Variants in AGAP1 observed in about 807,000 individuals in gnomAD.
AGAP1 encodes the protein arf-GAP with GTPase, ANK repeat and PH domain-containing protein 1.
Under a neutral mutation model 105.3 loss-of-function variants are expected in AGAP1, and 29 were observed. The observed-to-expected ratio is 0.28, with a 90% confidence interval of 0.21 to 0.38. The LOEUF is 0.38. Among genes scored for constraint, AGAP1 ranks in the 10% least tolerant of loss-of-function variants. The pLI is 1.00. For synonymous variants in AGAP1, 509 were observed against 485.9 expected, an observed-to-expected ratio of 1.05 and a Z score of -0.63; for missense variants, 998 against 1,165.1, an observed-to-expected ratio of 0.86 and a Z score of 2.09.
chr2:235,780,907 A>C (rs1420366910), intron 6 of AGAP1, among the ~76,000 whole-genome samples: 1 of 152,212 alleles, frequency 6.6e-6, no homozygotes, highest in Non-Finnish European at 1.5e-5. Flanking sequence ...TGTGGGAAAA[A>C]AAATTAAATA....
Position 235,700,133 on chromosome 2 carries a change from C to T in AGAP1, c.164-9046C>T, listed in dbSNP as rs775460200. ...TTGGTTTATAACAGTGAGATGGAAACGGGATGGAATTGGGGCATGGGTTTC... is the reference window on the plus strand; with the variant it reads ...TTGGTTTATAACAGTGAGATGGAAATGGGATGGAATTGGGGCATGGGTTTC... On this transcript the variant is annotated intron_variant, in intron 1 of 17. Coordinates refer to ENST00000304032, the MANE Select transcript of AGAP1 (RefSeq NM_001037131.3). This position sits in a 1 kb window ranked among gnomAD's most constrained non-coding sequence, Gnocchi z 6.1. Among the ~76,000 whole-genome samples, 6 of 152,104 alleles carry T rather than the reference C, an allele frequency of 3.9e-5. No individual in the cohort carries two copies. Among genetic ancestry groups the T allele is most frequent in the African/African-American group, 9.7e-5 (4 of 41,402 alleles).
At chr2:235,573,482 A>T (rs903307261) in intron 1 of AGAP1, among the ~76,000 whole-genome samples, 1 of 152,180 alleles carries the variant, frequency 6.6e-6, no homozygotes, top group Non-Finnish European at 1.5e-5. Context: ...CTTAATTTTC[A>T]TAGGAAAAAG....
rs776941182 is a variant in AGAP1, at chr2:236,036,721, G to A, written c.1800+6G>A. The A allele has an allele frequency of 2.5e-6, 4 of 1,614,022 alleles. No homozygotes were observed. Among genetic ancestry groups the A allele is most frequent in the Non-Finnish European group, 3.4e-6 (4 of 1,179,978 alleles). On this transcript the variant is annotated splice_donor_region_variant and intron_variant, in intron 14 of 17. Transcript: ENST00000304032. The surrounding 1 kb of genome is among the most constrained non-coding windows in gnomAD (Gnocchi z 5.7). Reference sequence around the variant, plus strand: ...GCGAGAGCAGCAAGAACAAGGTGAGGCCCCTGGCTGCCCAAAACCAAGGCT... The same window carrying A: ...GCGAGAGCAGCAAGAACAAGGTGAGACCCCTGGCTGCCCAAAACCAAGGCT...
At chr2:235,588,545 A>AT (rs1192017192) in intron 1 of AGAP1, among the ~76,000 whole-genome samples, 1 of 152,152 alleles carries the variant, frequency 6.6e-6, no homozygotes, top group South Asian at 2.1e-4. Context: ...TAAAATCTGG[A>AT]TAAAAAAAAA....
At chr2:235,868,308 G>T (rs2049278168) in intron 9 of AGAP1, among the ~76,000 whole-genome samples, 1 of 152,018 alleles carries the variant, frequency 6.6e-6, no homozygotes, top group African/African-American at 2.4e-5. Context: ...TCCTGCAGCA[G>T]CAAGAGGATT....
Position 235,882,518 on chromosome 2 carries a change from C to T in AGAP1, c.1051-827C>T, listed in dbSNP as rs577995593. On this transcript the variant is annotated intron_variant, in intron 9 of 17. Transcript: ENST00000304032. This position sits in a 1 kb window ranked among gnomAD's most constrained non-coding sequence, Gnocchi z 4.6. ...TTTTCTTAAAACAATCGGTACCATC[C>T]GTGGCGGGCTCTTAGCTCACTGCAA... is the stretch of plus-strand genomic sequence containing the variant. 28 of 1,356,114 alleles carry T rather than the reference C, an allele frequency of 2.1e-5. No homozygotes were observed. Among genetic ancestry groups the T allele is most frequent in the Middle Eastern group, 2.6e-4 (1 of 3,872 alleles). The allele number at this position is 1,356,114 out of a possible 1,614,324, so 84.0% of individuals were successfully genotyped here.
At chr2:235,846,792 A>G (rs570034780) in intron 9 of AGAP1, among the ~76,000 whole-genome samples, 1 of 152,114 alleles carries the variant, frequency 6.6e-6, no homozygotes, top group African/African-American at 2.4e-5. Context: ...ATACTCCACC[A>G]TGCCTGGCTT....
rs549743172 is a variant in AGAP1, at chr2:235,529,572, A to AG, written c.163+34724dup. On this transcript the variant is annotated intron_variant, in intron 1 of 17. Transcript: ENST00000304032. ...CTCCAGTTAATACAGAATGCTTGACAGCTCACGCTCCCCACATCACAAAAT... is the reference window on the plus strand; with the variant it reads ...CTCCAGTTAATACAGAATGCTTGACAGGCTCACGCTCCCCACATCACAAAAT... 2.4e-4 allele frequency among the ~76,000 whole-genome samples: 36 copies of AG among 152,306 alleles called. 1 individual carries two copies. Among genetic ancestry groups the AG allele is most frequent in the African/African-American group, 7.7e-4 (32 of 41,562 alleles).
intron 1 of AGAP1, among the ~76,000 whole-genome samples, chr2:235,688,917 C>A (rs942174578): frequency 6.6e-6 from 1 of 152,110 alleles, no homozygotes; most frequent in South Asian, 2.1e-4. Context: ...GTCACAGTAA[C>A]GCAATTGCAG....
At position 235,788,878 on chromosome 2, in the gene AGAP1, T is replaced by C. The variant is rs1281907081; in HGVS notation, c.674-8881T>C. On this transcript the variant is annotated intron_variant, in intron 6 of 17. Coordinates refer to ENST00000304032, the MANE Select transcript of AGAP1 (RefSeq NM_001037131.3). This position sits in a 1 kb window ranked among gnomAD's most constrained non-coding sequence, Gnocchi z 6.0. Reference sequence around the variant, plus strand: ...TCTCTCAGTGGGGTGAACGTTTGCATGTTGGTGCTTCTGAACACAGGATCC... The same window carrying C: ...TCTCTCAGTGGGGTGAACGTTTGCACGTTGGTGCTTCTGAACACAGGATCC... 6.6e-6 allele frequency among the ~76,000 whole-genome samples: 1 copy of C among 152,152 alleles called. No individual in the cohort carries two copies. Among genetic ancestry groups the C allele is most frequent in the African/African-American group, 2.4e-5 (1 of 41,406 alleles).
At chr2:235,498,781 C>T (rs988148361) in intron 1 of AGAP1, among the ~76,000 whole-genome samples, 17 of 152,200 alleles carry the variant, frequency 1.1e-4, no homozygotes, top group African/African-American at 4.1e-4. Flanking sequence ...GTTGAGCCCT[C>T]ATCCAGCCCA....
intron 10 of AGAP1, among the ~76,000 whole-genome samples, chr2:235,899,548 A>G (rs1416905666): frequency 1.3e-5 from 2 of 152,248 alleles, no homozygotes; most frequent in Non-Finnish European, 2.9e-5. Flanking sequence ...TTAGCGCTGC[A>G]CATTTTAGCA....
At chr2:235,671,262 G>T (rs1948407149) in intron 1 of AGAP1, among the ~76,000 whole-genome samples, 1 of 152,186 alleles carries the variant, frequency 6.6e-6, no homozygotes, top group African/African-American at 2.4e-5. Context: ...GTGCGTGCTG[G>T]TGCCCCTCGG....
At chr2:235,918,153 C>T (rs954139246) in intron 11 of AGAP1, among the ~76,000 whole-genome samples, 2 of 152,202 alleles carry the variant, frequency 1.3e-5, no homozygotes, top group East Asian at 3.9e-4. Flanking sequence ...CCACTCATGT[C>T]GACCAAGGTC....
In AGAP1 at chr2:235,971,780, T is replaced by TTGATTG. The variant is rs1559711537; in HGVS notation, c.1645+3157_1645+3158insTGATTG. Among the ~76,000 whole-genome samples the TTGATTG allele has an allele frequency of 3.6e-3, 494 of 135,484 alleles. 5 individuals are homozygous for TTGATTG. Among genetic ancestry groups the TTGATTG allele is most frequent in the African/African-American group, 0.012 (467 of 37,648 alleles). 88.9% of individuals were successfully genotyped at this position (135,484 alleles called of 152,430 possible). Reference sequence around the variant, plus strand: ...TTATTTATTTATTTATTTATTTATTTATTTATTGTATTTTTTGAGACAGGT... The same window carrying TTGATTG: ...TTATTTATTTATTTATTTATTTATTTTGATTGATTTATTGTATTTTTTGAGACAGGT... On this transcript the variant is annotated intron_variant, in intron 13 of 17. Transcript: ENST00000304032. The surrounding 1 kb of genome is among the most constrained non-coding windows in gnomAD (Gnocchi z 4.8).
At chr2:235,952,324 G>A (rs1299231916) in intron 12 of AGAP1, among the ~76,000 whole-genome samples, 2 of 151,978 alleles carry the variant, frequency 1.3e-5, no homozygotes, top group African/African-American at 4.8e-5. Flanking sequence ...TTTCTTTTCA[G>A]TGTCTGTCAA....
intron 13 of AGAP1, among the ~76,000 whole-genome samples, chr2:236,015,224 T>C (rs1158545763): frequency 6.6e-6 from 1 of 152,254 alleles, no homozygotes; most frequent in East Asian, 1.9e-4. Flanking sequence ...ATTACAGTTT[T>C]TAAAAGTGTT....
At chr2:235,990,449 C>A (rs909107190) in intron 13 of AGAP1, among the ~76,000 whole-genome samples, 2 of 152,184 alleles carry the variant, frequency 1.3e-5, no homozygotes, top group African/African-American at 4.8e-5. Flanking sequence ...TGGCAACATC[C>A]CGAATCCCAG....
intron 9 of AGAP1, among the ~76,000 whole-genome samples, chr2:235,858,845 G>A (rs2048794797): frequency 6.6e-6 from 1 of 152,196 alleles, no homozygotes; most frequent in South Asian, 2.1e-4. Flanking sequence ...GTTGGTGGTA[G>A]CAAGGAGTAT....
Sources: gnomAD v4.1 joint callset for allele counts (sites outside exome capture counted in the v4.1 genomes callset) on GRCh38, gnomAD v4.1.1 for gene constraint, Gnocchi (gnomAD v3.1) non-coding constraint, MANE v1.5 for transcripts, NCBI Gene and HGNC (gene_info 2026-07-23, HGNC 2026-07-21) for gene names.